The following NREP variants were observed in gnomAD, a reference collection of about 807,000 sequenced individuals.
The protein encoded by NREP is neuronal regeneration related protein.
Under a neutral mutation model 8.6 loss-of-function variants are expected in NREP, and 5 were observed. The observed-to-expected ratio is 0.58, with a 90% CI of 0.30 to 1.22. The LOEUF (loss-of-function observed/expected upper bound fraction) is 1.22. NREP is among the 50% of genes most tolerant of loss of function. The probability of loss-of-function intolerance (pLI) is 0.07; values close to 1 mark genes in which losing one functional copy is unlikely to be tolerated. For synonymous variants in NREP, 27 were observed against 28.0 expected (o/e 0.96, Z 0.11); for missense variants, 86 against 82.5 (o/e 1.04, Z -0.17).
chr5:111,843,568 G>A (rs1243959389), intron 2 of NREP, among the ~76,000 whole-genome samples: 2 of 149,888 alleles, frequency 1.3e-5, no homozygotes, highest in African/African-American at 4.9e-5. Flanking sequence ...GCCAGTTACC[G>A]GGGCTTTATT....
intron 2 of NREP, among the ~76,000 whole-genome samples, chr5:111,776,956 T>G (rs1751375278): frequency 8.7e-6 from 1 of 114,374 alleles, no homozygotes; most frequent in East Asian, 2.6e-4. Flanking sequence ...TATACCTCAA[T>G]GAAAAAGTAA....
chr5:111,753,299 T>C (rs963652296), intron 2 of NREP, among the ~76,000 whole-genome samples: 1 of 148,702 alleles, frequency 6.7e-6, no homozygotes, highest in Non-Finnish European at 1.5e-5. Context: ...ACACATGTAA[T>C]TGGTGCCTCC....
intron 2 of NREP, among the ~76,000 whole-genome samples, chr5:111,828,951 C>G (rs780013947): frequency 1.3e-5 from 2 of 152,028 alleles, no homozygotes; most frequent in Non-Finnish European, 2.9e-5. Context: ...GCATGTGATA[C>G]TATGGGATCA....
chr5:111,952,013 C>T (rs1355108313), intron 2 of NREP, among the ~76,000 whole-genome samples: 1 of 152,026 alleles, frequency 6.6e-6, no homozygotes, highest in Admixed American at 6.6e-5. Flanking sequence ...CACTCCTGTC[C>T]CAGGCAACTA....
intron 2 of NREP, among the ~76,000 whole-genome samples, chr5:111,805,306 C>G (rs886188221): frequency 6.6e-6 from 1 of 152,168 alleles, no homozygotes; most frequent in Non-Finnish European, 1.5e-5. Flanking sequence ...GCCAGTAATT[C>G]CACATCTAGA....
chr5:111,757,423 A>G (rs1750795822), upstream of NREP: 8 of 982,266 alleles, frequency 8.1e-6, no homozygotes, highest in South Asian at 4.7e-5. Flanking sequence ...TCTTTCTCTA[A>G]GAGTCTCTCT....
intron 2 of NREP, among the ~76,000 whole-genome samples, chr5:111,841,472 C>T (rs1753028314): frequency 6.6e-6 from 1 of 152,072 alleles, no homozygotes; most frequent in Non-Finnish European, 1.5e-5. Context: ...AGTAGCTGGA[C>T]TAAAAGGTAG....
At chr5:111,917,427 T>C (rs560797299) in intron 2 of NREP, among the ~76,000 whole-genome samples, 17 of 152,234 alleles carry the variant, frequency 1.1e-4, no homozygotes, top group Non-Finnish European at 2.4e-4. Context: ...TTCAGGCCAA[T>C]ATCCCTGCTG....
intron 2 of NREP, chr5:111,846,017 A>T (rs1418034012): frequency 6.4e-6 from 1 of 155,042 alleles, no homozygotes; most frequent in Non-Finnish European, 1.4e-5. Context: ...GCTGCTACCC[A>T]AGACAGTCAA....
intron 2 of NREP, among the ~76,000 whole-genome samples, chr5:111,905,870 C>T (rs1754768280): frequency 6.6e-6 from 1 of 151,770 alleles, no homozygotes; most frequent in African/African-American, 2.4e-5. Context: ...TAAATGTATA[C>T]AAATAAAACA....
intron 2 of NREP, among the ~76,000 whole-genome samples, chr5:111,801,874 C>G (rs186209680): frequency 1.2e-3 from 177 of 152,276 alleles, no homozygotes; most frequent in African/African-American, 4.1e-3. Context: ...GAAAAGCTCT[C>G]TGTTCTTGTA....
At chr5:111,928,806 T>G (rs1755460929) in intron 2 of NREP, among the ~76,000 whole-genome samples, 1 of 152,104 alleles carries the variant, frequency 6.6e-6, no homozygotes, top group Non-Finnish European at 1.5e-5. Context: ...ATGTTGCCAA[T>G]TTAGGAAAGA....
chr5:111,810,438 G>T (rs1266096074), intron 2 of NREP, among the ~76,000 whole-genome samples: 1 of 152,128 alleles, frequency 6.6e-6, no homozygotes, highest in African/African-American at 2.4e-5. Flanking sequence ...TTTCCATAAT[G>T]CCCAATGTAT....
At chr5:111,953,124 T>C (rs760662762) in intron 2 of NREP, among the ~76,000 whole-genome samples, 5 of 152,080 alleles carry the variant, frequency 3.3e-5, no homozygotes, top group African/African-American at 4.8e-5. Flanking sequence ...CTTTCTCTCA[T>C]GTTGTTATTG....
At chr5:111,776,477 G>C (rs1015648598) in intron 2 of NREP, among the ~76,000 whole-genome samples, 3 of 152,078 alleles carry the variant, frequency 2.0e-5, no homozygotes, top group Non-Finnish European at 2.9e-5. Flanking sequence ...AGGTGTATGA[G>C]AAATAAATGC....
intron 2 of NREP, among the ~76,000 whole-genome samples, chr5:111,826,372 G>C (rs78293787): frequency 0.023 from 3,462 of 152,300 alleles, 51 homozygotes; most frequent in Non-Finnish European, 0.027. Flanking sequence ...CACTGTGGAA[G>C]TTTTGTTGTT....
rs561637207 is a variant in NREP at position 111,816,530 on chromosome 5, T to C, written c.136-81023A>G. 2.2e-3 allele frequency among the ~76,000 whole-genome samples: 329 copies of C among 152,208 alleles called. 1 individual carries two copies. Among genetic ancestry groups the C allele is most frequent in the Non-Finnish European group, 3.8e-3 (255 of 67,960 alleles). The stretch of plus-strand genomic sequence containing the variant: ...GAGAAGTACTAAAATTACTAACTTA[T>C]CTTAGAGTCTAATAAAGCTACTTGT... On this transcript the variant is annotated intron_variant, in intron 2 of 3. Transcript: ENST00000395634.
chr5:111,776,266 T>C (rs1248800443), intron 2 of NREP, among the ~76,000 whole-genome samples: 1 of 152,202 alleles, frequency 6.6e-6, no homozygotes, highest in Non-Finnish European at 1.5e-5. Context: ...GAGCATATTT[T>C]GTTCCAAGCA....
chr5:111,966,111 T>C (rs1180022176), intron 2 of NREP, among the ~76,000 whole-genome samples: 3 of 152,030 alleles, frequency 2.0e-5, no homozygotes, highest in Non-Finnish European at 4.4e-5. Flanking sequence ...GCAAGAAATA[T>C]TAAAGATTCA....
Sources: allele counts gnomAD v4.1 joint callset (sites outside exome capture counted in the v4.1 genomes callset), GRCh38; gene constraint gnomAD v4.1.1; transcripts MANE v1.5; gene names NCBI Gene and HGNC (gene_info 2026-07-23, HGNC 2026-07-21).